The following IGF1 variants were observed in gnomAD, a reference collection of about 807,000 sequenced individuals.
IGF1 encodes the protein insulin like growth factor 1.
A neutral mutation model predicts 13.8 loss-of-function variants in IGF1; 4 were observed. That is an observed-to-expected ratio of 0.29 (90% CI 0.14 to 0.66). The LOEUF is 0.66. IGF1 is among the 30% of genes least tolerant of loss of function. IGF1 has a pLI of 0.78. For missense variants in IGF1, 124 were observed against 188.5 expected (o/e 0.66, Z 2.00); for synonymous variants, 76 against 72.6 (o/e 1.05, Z -0.23).
At chr12:102,458,188 T>C (rs1879574415) in intron 2 of IGF1, among the ~76,000 whole-genome samples, 1 of 152,196 alleles carries the variant, frequency 6.6e-6, no homozygotes, top group Non-Finnish European at 1.5e-5. Context: ...AAATTGACAC[T>C]TTTGAATGCA....
intron 2 of IGF1, among the ~76,000 whole-genome samples, chr12:102,440,106 C>T (rs1007631153): frequency 1.2e-4 from 19 of 152,156 alleles, no homozygotes; most frequent in Non-Finnish European, 2.5e-4. Context: ...TTCTTACGGC[C>T]GCTAAGCATC....
chr12:102,460,329 A>T (rs114315497), intron 2 of IGF1, among the ~76,000 whole-genome samples: 1 of 152,108 alleles, frequency 6.6e-6, no homozygotes, highest in African/African-American at 2.4e-5. Flanking sequence ...CATTTCTTTC[A>T]TCATTAGTTT....
At chr12:102,468,559 A>T (rs1384016285) in intron 2 of IGF1, among the ~76,000 whole-genome samples, 1 of 152,242 alleles carries the variant, frequency 6.6e-6, no homozygotes, top group African/African-American at 2.4e-5. Flanking sequence ...CTTGTCAAAT[A>T]ACACCTCTTT....
chr12:102,459,165 A>C (rs1209389665), intron 2 of IGF1, among the ~76,000 whole-genome samples: 2 of 152,216 alleles, frequency 1.3e-5, no homozygotes, highest in African/African-American at 4.8e-5. Context: ...ACTGGATACA[A>C]CTTACAGATT....
chr12:102,479,389 TA>T, intron 1 of IGF1, among the ~76,000 whole-genome samples: 1 of 151,886 alleles, frequency 6.6e-6, no homozygotes, highest in Non-Finnish European at 1.5e-5. Context: ...GACAGCAGCT[TA>T]AAAGCGCTTG....
In IGF1 at chr12:102,471,175, A is replaced by G. The variant is rs563947727; in HGVS notation, c.220+4468T>C. Among the ~76,000 whole-genome samples, 186 of 152,328 alleles carry G rather than the reference A, an allele frequency of 1.2e-3. 2 individuals carry two copies. Among genetic ancestry groups the G allele is most frequent in the African/African-American group, 4.3e-3 (177 of 41,572 alleles). On this transcript the variant is annotated intron_variant, in intron 2 of 3. Transcript: ENST00000337514. ...TGGAATCTCCTATCTCTGGGGACCA[A>G]CAGAAACTATGTAAATAAGATAAAA... is the stretch of plus-strand genomic sequence containing the variant.
At chr12:102,437,075 C>T (rs532852182) in intron 2 of IGF1, among the ~76,000 whole-genome samples, 23 of 152,332 alleles carry the variant, frequency 1.5e-4, no homozygotes, top group Non-Finnish European at 3.1e-4. Context: ...CTTCCTGCTG[C>T]CTTGCTAGGT....
chr12:102,468,681 C>A (rs1239280448), intron 2 of IGF1, among the ~76,000 whole-genome samples: 1 of 152,154 alleles, frequency 6.6e-6, no homozygotes, highest in Non-Finnish European at 1.5e-5. Flanking sequence ...TTCCAGGCAA[C>A]CTAAAGTAAT....
At chr12:102,459,626 A>C (rs1879739467) in intron 2 of IGF1, among the ~76,000 whole-genome samples, 1 of 152,140 alleles carries the variant, frequency 6.6e-6, no homozygotes, top group Non-Finnish European at 1.5e-5. Flanking sequence ...TTGGCTGGGA[A>C]CCTGGCCTTT....
intron 2 of IGF1, among the ~76,000 whole-genome samples, chr12:102,444,199 G>A (rs1376519793): frequency 1.3e-5 from 2 of 151,876 alleles, no homozygotes; most frequent in Non-Finnish European, 2.9e-5. Flanking sequence ...AGGGGGCAGA[G>A]TGAGGTCCTC....
intron 2 of IGF1, among the ~76,000 whole-genome samples, chr12:102,446,751 T>G (rs1878371017): frequency 6.6e-6 from 1 of 152,196 alleles, no homozygotes; most frequent in East Asian, 1.9e-4. Flanking sequence ...TAGTTATTTC[T>G]TGTCTTCTGC....
At chr12:102,458,243 C>T (rs17878637) in intron 2 of IGF1, among the ~76,000 whole-genome samples, 115 of 152,236 alleles carry the variant, frequency 7.6e-4, no homozygotes, top group African/African-American at 2.6e-3. Flanking sequence ...CGTATTTGTG[C>T]TCTACCTGGC....
upstream of IGF1, among the ~76,000 whole-genome samples, chr12:102,481,290 G>GGGT (rs1231697172): frequency 2.0e-5 from 3 of 151,902 alleles, no homozygotes; most frequent in Non-Finnish European, 4.4e-5. Context: ...TCTGGGAGAA[G>GGGT]GGTACCTGGG....
intron 1 of IGF1, among the ~76,000 whole-genome samples, chr12:102,477,789 G>A (rs1881153467): frequency 6.6e-6 from 1 of 152,012 alleles, no homozygotes; most frequent in Non-Finnish European, 1.5e-5. Context: ...CTAAGCACCT[G>A]CAACTGTAGA....
chr12:102,481,365 G>A (rs959546152), upstream of IGF1, among the ~76,000 whole-genome samples: 13 of 150,752 alleles, frequency 8.6e-5, no homozygotes, highest in African/African-American at 3.2e-4. Context: ...GTGTGTGTGT[G>A]TGTGTGTGTG....
chr12:102,421,086 G>A (rs943220222), intron 2 of IGF1, among the ~76,000 whole-genome samples: 9 of 152,192 alleles, frequency 5.9e-5, no homozygotes, highest in African/African-American at 2.2e-4. Context: ...CAGCATTCAT[G>A]GCAACCTCTA....
At chr12:102,468,105 C>G (rs1466569755) in intron 2 of IGF1, among the ~76,000 whole-genome samples, 2 of 152,176 alleles carry the variant, frequency 1.3e-5, no homozygotes, top group South Asian at 2.1e-4. Context: ...TATACTTAAT[C>G]AATAATCAGG....
chr12:102,471,786 CTCTT>C (rs1437538082), intron 2 of IGF1, among the ~76,000 whole-genome samples: 1 of 151,950 alleles, frequency 6.6e-6, no homozygotes, highest in Non-Finnish European at 1.5e-5. Flanking sequence ...CCCAGAAACT[CTCTT>C]TCTTTCAGTT....
At chr12:102,403,472 T>G (rs1458483876) in intron 3 of IGF1, among the ~76,000 whole-genome samples, 1 of 151,914 alleles carries the variant, frequency 6.6e-6, no homozygotes, top group East Asian at 1.9e-4. Flanking sequence ...GGTTTTTTTT[T>G]TTTGGACAGG....
Sources: gnomAD v4.1 joint callset for allele counts (sites outside exome capture counted in the v4.1 genomes callset) on GRCh38, gnomAD v4.1.1 for gene constraint, MANE v1.5 for transcripts, NCBI Gene and HGNC (gene_info 2026-07-23, HGNC 2026-07-21) for gene names.